The following PARD3B variants were observed in gnomAD, a reference collection of about 807,000 sequenced individuals.
PARD3B encodes par-3 family cell polarity regulator beta.
In PARD3B, 103 loss-of-function variants were observed where a neutral mutation model predicts 130.2. That is an observed-to-expected ratio of 0.79 (90% CI 0.67 to 0.93). The LOEUF (loss-of-function observed/expected upper bound fraction) is 0.93. PARD3B is among the 40% of genes least tolerant of loss of function. The pLI is 0.00. For missense variants in PARD3B, 1,609 were observed against 1,499.2 expected, an observed-to-expected ratio of 1.07 and a Z score of -1.21; for synonymous variants, 583 against 553.2, an observed-to-expected ratio of 1.05 and a Z score of -0.76.
intron 2 of PARD3B, among the ~76,000 whole-genome samples, chr2:204,746,952 CT>C (rs1237714483): frequency 2.6e-5 from 4 of 152,076 alleles, no homozygotes; most frequent in Non-Finnish European, 5.9e-5. Flanking sequence ...ATGGTAGTTT[CT>C]TTTGCTGTGC....
Position 205,229,941 on chromosome 2 carries a change from C to G in PARD3B, c.2141-15837C>G, listed in dbSNP as rs1345343641. Among the ~76,000 whole-genome samples the G allele has an allele frequency of 2.6e-5, 4 of 151,944 alleles. No homozygotes were observed. Among genetic ancestry groups the G allele is most frequent in the African/African-American group, 9.7e-5 (4 of 41,370 alleles). On this transcript the variant is annotated intron_variant, in intron 15 of 22. Transcript: ENST00000406610. This position sits in a 1 kb window ranked among gnomAD's most constrained non-coding sequence, Gnocchi z 5.2. ...ACAGCCACCACCACCACGTCCATGG[C>G]AAGTACTGCCTGTCTACCACTGATG...
At chr2:205,522,378 T>G (rs116032841) in intron 21 of PARD3B, among the ~76,000 whole-genome samples, 2,335 of 152,152 alleles carry the variant, frequency 0.015, 54 homozygotes, top group African/African-American at 0.052. Context: ...TTAGGTTTTT[T>G]ATTTAAGTTT....
At chr2:205,156,387 A>T (rs186151984) in intron 10 of PARD3B, among the ~76,000 whole-genome samples, 12 of 152,042 alleles carry the variant, frequency 7.9e-5, no homozygotes, top group Non-Finnish European at 2.9e-5. Flanking sequence ...CATTGTGCAC[A>T]TGTACCCTAA....
intron 19 of PARD3B, 24 bp downstream of exon 19, chr2:205,401,147 C>T (rs1420634531): frequency 6.6e-7 from 1 of 1,523,812 alleles, no homozygotes; most frequent in Non-Finnish European, 9.0e-7. Context: ...CCGAGACCTT[C>T]ATTTTCTTTG....
intron 2 of PARD3B, among the ~76,000 whole-genome samples, chr2:204,803,437 A>C (rs924979870): frequency 1.3e-5 from 2 of 152,150 alleles, no homozygotes; most frequent in African/African-American, 4.8e-5. Context: ...TTGAGTAGAA[A>C]GTCTAAAAGA....
At chr2:204,986,544 G>C (rs1693177023) in intron 3 of PARD3B, among the ~76,000 whole-genome samples, 1 of 152,084 alleles carries the variant, frequency 6.6e-6, no homozygotes, top group Non-Finnish European at 1.5e-5. Flanking sequence ...CCAACAACTA[G>C]TTATTGTCTT....
chr2:204,560,136 A>G (rs1163084083), intron 1 of PARD3B, among the ~76,000 whole-genome samples: 3 of 152,174 alleles, frequency 2.0e-5, no homozygotes, highest in African/African-American at 4.8e-5. Flanking sequence ...ATGTATACCT[A>G]TGTAATGAGC....
intron 19 of PARD3B, among the ~76,000 whole-genome samples, chr2:205,432,733 A>G (rs2047380218): frequency 6.6e-6 from 1 of 152,074 alleles, no homozygotes; most frequent in South Asian, 2.1e-4. Context: ...ACACTTCAAG[A>G]GTTCAGTATC....
intron 2 of PARD3B, among the ~76,000 whole-genome samples, chr2:204,705,280 T>C (rs767180468): frequency 1.3e-5 from 2 of 152,160 alleles, no homozygotes; most frequent in African/African-American, 2.4e-5. Context: ...ATGAAGCCCA[T>C]ATTCTTGTGG....
intron 2 of PARD3B, among the ~76,000 whole-genome samples, chr2:204,707,324 A>T (rs1265947464): frequency 6.6e-6 from 1 of 152,222 alleles, no homozygotes; most frequent in Non-Finnish European, 1.5e-5. Context: ...AGATTAGCAT[A>T]TGCTTTAAGA....
At chr2:205,068,017 A>G (rs1700495242) in intron 4 of PARD3B, among the ~76,000 whole-genome samples, 1 of 152,188 alleles carries the variant, frequency 6.6e-6, no homozygotes, top group South Asian at 2.1e-4. Flanking sequence ...TTCATGCTTT[A>G]CATGCCCTAC....
chr2:204,713,884 G>T (rs2038590943), intron 2 of PARD3B, among the ~76,000 whole-genome samples: 3 of 152,004 alleles, frequency 2.0e-5, no homozygotes, highest in Admixed American at 2.0e-4. Flanking sequence ...AGAAGTTCTT[G>T]TTCCTTTGAT....
chr2:205,258,891 T>A lies in PARD3B; in HGVS notation c.2185+13069T>A, dbSNP rs2040195589. Among the ~76,000 whole-genome samples the A allele has an allele frequency of 6.6e-6, 1 of 152,222 alleles. No homozygotes were observed. Among genetic ancestry groups the A allele is most frequent in the Non-Finnish European group, 1.5e-5 (1 of 68,030 alleles). On this transcript the variant is annotated intron_variant, in intron 16 of 22. Coordinates refer to ENST00000406610, the MANE Select transcript of PARD3B (RefSeq NM_001302769.2). This position sits in a 1 kb window ranked among gnomAD's most constrained non-coding sequence, Gnocchi z 4.9. ...TTGGACTACTTTTTAATGACCTTTT[T>A]TCCCTCTCTTGTCATTTTAGGCTGA...
intron 2 of PARD3B, among the ~76,000 whole-genome samples, chr2:204,833,549 C>CTGG (rs2043910612): frequency 6.6e-6 from 1 of 152,084 alleles, no homozygotes; most frequent in Non-Finnish European, 1.5e-5. Flanking sequence ...TGGAAGGGAC[C>CTGG]TGGTGGGAGG....
chr2:205,570,482 A>T (rs1201227334), intron 22 of PARD3B, among the ~76,000 whole-genome samples: 1 of 152,232 alleles, frequency 6.6e-6, no homozygotes, highest in Non-Finnish European at 1.5e-5. Flanking sequence ...GGTATCTTCA[A>T]TATCAGAGTG....
intron 3 of PARD3B, among the ~76,000 whole-genome samples, chr2:205,037,872 A>G (rs1698118208): frequency 6.6e-6 from 1 of 152,250 alleles, no homozygotes; most frequent in South Asian, 2.1e-4. Context: ...TTATATAATC[A>G]TGTGATCTTG....
intron 22 of PARD3B, 32 bp from the exon 23 acceptor site, chr2:205,615,424 C>A: frequency 6.5e-7 from 1 of 1,536,400 alleles, no homozygotes; most frequent in East Asian, 2.3e-5. Flanking sequence ...AGCTTAGGAG[C>A]TGCTAACATG....
rs2041631683 is a variant in PARD3B, at chr2:205,292,115, C to A, written c.2186-8415C>A. 6.6e-6 allele frequency among the ~76,000 whole-genome samples: 1 copy of A among 152,180 alleles called. No homozygotes were observed. Among genetic ancestry groups the A allele is most frequent in the South Asian group, 2.1e-4 (1 of 4,836 alleles). On this transcript the variant is annotated intron_variant, in intron 16 of 22. Coordinates refer to ENST00000406610, the MANE Select transcript of PARD3B (RefSeq NM_001302769.2). The surrounding 1 kb of genome is among the most constrained non-coding windows in gnomAD (Gnocchi z 5.3). Reference sequence around the variant, plus strand: ...TGCTTGGACACCCCAGGTAGAGCTCCAGTGGGACCCAGTGTAGCATGGGTC... The same window carrying A: ...TGCTTGGACACCCCAGGTAGAGCTCAAGTGGGACCCAGTGTAGCATGGGTC...
At chr2:204,577,855 A>T (rs891926551) in intron 1 of PARD3B, among the ~76,000 whole-genome samples, 1 of 152,120 alleles carries the variant, frequency 6.6e-6, no homozygotes, top group Non-Finnish European at 1.5e-5. Context: ...GACATCAGCC[A>T]CTGTGCCCAG....
Sources: gnomAD v4.1 joint callset for allele counts (sites outside exome capture counted in the v4.1 genomes callset) on GRCh38, gnomAD v4.1.1 for gene constraint, Gnocchi (gnomAD v3.1) non-coding constraint, MANE v1.5 for transcripts, NCBI Gene and HGNC (gene_info 2026-07-23, HGNC 2026-07-21) for gene names.